Variants in PIR observed in about 807,000 individuals in gnomAD.
The protein encoded by PIR is pirin (iron-binding nuclear protein).
In PIR, 22 loss-of-function variants were observed where a neutral mutation model predicts 24.2. The observed-to-expected ratio is 0.91, with a 90% CI of 0.65 to 1.30. The LOEUF is 1.30. Among genes scored for constraint, PIR ranks in the 50% most tolerant of loss-of-function variants. PIR has a pLI of 0.00. For synonymous variants in PIR, 80 were observed against 79.6 expected, an observed-to-expected ratio of 1.00 and a Z score of -0.03; for missense variants, 220 against 220.3, an observed-to-expected ratio of 1.00 and a Z score of 0.01.
At chrX:15,476,661 GAAAA>G (rs776335281) in intron 3 of PIR, among the ~76,000 whole-genome samples, 1 of 104,149 alleles carries the variant, frequency 9.6e-6, no homozygotes, top group Non-Finnish European at 2.0e-5. Flanking sequence ...AACCCAGCAG[GAAAA>G]AAAAAATCCA....
At chrX:15,406,277 A>G (rs762626709) in intron 7 of PIR, among the ~76,000 whole-genome samples, 1 of 112,422 alleles carries the variant, frequency 8.9e-6, no homozygotes, top group South Asian at 3.7e-4. Flanking sequence ...CAGAAGTATA[A>G]CTGGAGATGC....
At chrX:15,489,369 G>A in intron 2 of PIR, among the ~76,000 whole-genome samples, 1 of 111,869 alleles carries the variant, frequency 8.9e-6, no homozygotes, top group African/African-American at 3.2e-5. Flanking sequence ...TTAAAACATT[G>A]CTTTCAGAAG....
intron 3 of PIR, among the ~76,000 whole-genome samples, chrX:15,461,553 G>A (rs915065277): frequency 8.9e-6 from 1 of 112,298 alleles, no homozygotes; most frequent in Non-Finnish European, 1.9e-5. Flanking sequence ...GGCCAAGGTG[G>A]GCGGATCGCC....
At chrX:15,444,644 A>G (rs1213094226) in intron 5 of PIR, among the ~76,000 whole-genome samples, 2 of 111,774 alleles carry the variant, frequency 1.8e-5, no homozygotes, top group Non-Finnish European at 3.8e-5. Context: ...AACCTACAAA[A>G]ACACTTAATG....
intron 3 of PIR, chrX:15,464,420 T>C: frequency 1.3e-6 from 1 of 753,694 alleles, no homozygotes; most frequent in Non-Finnish European, 1.6e-6. Context: ...AATCAGTGGA[T>C]GAAAGTAAGT....
At chrX:15,466,973 T>A (rs1381332754) in intron 3 of PIR, among the ~76,000 whole-genome samples, 2 of 112,484 alleles carry the variant, frequency 1.8e-5, no homozygotes, top group African/African-American at 3.2e-5. Flanking sequence ...TGTTATTCAT[T>A]TATTGTCTGT....
chrX:15,470,704 CG>C (rs1463686839), intron 3 of PIR, among the ~76,000 whole-genome samples: 5 of 106,787 alleles, frequency 4.7e-5, no homozygotes, highest in African/African-American at 1.7e-4. Flanking sequence ...TGAGTTCAAG[CG>C]AATCTCCTGC....
intron 8 of PIR, among the ~76,000 whole-genome samples, chrX:15,390,916 A>G (rs746200748): frequency 8.1e-5 from 9 of 111,708 alleles, no homozygotes; most frequent in East Asian, 2.8e-4. Context: ...GAGATTTTCA[A>G]CTGGTGCAGT....
intron 6 of PIR, among the ~76,000 whole-genome samples, chrX:15,422,993 T>G (rs979269985): frequency 3.6e-5 from 4 of 111,818 alleles, no homozygotes; most frequent in Non-Finnish European, 7.5e-5. Context: ...TGGAACTCAT[T>G]TTTGACAAAG....
chrX:15,395,775 C>T (rs1445878450), intron 8 of PIR, among the ~76,000 whole-genome samples: 1 of 112,264 alleles, frequency 8.9e-6, no homozygotes, highest in East Asian at 2.8e-4. Flanking sequence ...ACACATGCTG[C>T]CTTTAAATGC....
intron 3 of PIR, among the ~76,000 whole-genome samples, chrX:15,467,267 A>G (rs759568192): frequency 2.7e-5 from 3 of 112,611 alleles, no homozygotes; most frequent in Non-Finnish European, 3.8e-5. Context: ...AAAGATCTAA[A>G]ACAACATTAT....
intron 5 of PIR, among the ~76,000 whole-genome samples, chrX:15,452,506 T>A (rs1242081225): frequency 8.9e-6 from 1 of 111,834 alleles, no homozygotes. Flanking sequence ...GTTTTGTTGC[T>A]CATAAAAGCG....
chrX:15,416,867 T>C (rs773003558), intron 6 of PIR, among the ~76,000 whole-genome samples: 128 of 111,695 alleles, frequency 1.1e-3, no homozygotes, highest in Non-Finnish European at 1.9e-3. Context: ...ACCACATGAG[T>C]GTGAGCTTGG....
At chrX:15,440,235 G>C (rs1052804659) in intron 5 of PIR, among the ~76,000 whole-genome samples, 7 of 111,775 alleles carry the variant, frequency 6.3e-5, no homozygotes, top group Admixed American at 9.5e-5. Context: ...AAAATGAGTA[G>C]TATTGTGTGC....
chrX:15,433,703 GGAGA>G, intron 5 of PIR, among the ~76,000 whole-genome samples: 2 of 66,718 alleles, frequency 3.0e-5, no homozygotes, highest in African/African-American at 5.8e-5. Flanking sequence ...GGAGGAGGAA[GGAGA>G]AAGAAGGAGG....
intron 2 of PIR, among the ~76,000 whole-genome samples, chrX:15,489,983 G>A (rs752433792): frequency 7.7e-4 from 86 of 111,837 alleles, no homozygotes; most frequent in Non-Finnish European, 1.3e-3. Flanking sequence ...GGAGGAATGA[G>A]TTCAAGAGAT....
At chrX:15,489,556 A>G (rs1174577014) in intron 2 of PIR, among the ~76,000 whole-genome samples, 4 of 111,681 alleles carry the variant, frequency 3.6e-5, no homozygotes, top group African/African-American at 1.3e-4. Context: ...CAATTGTTCT[A>G]TTGGTGATGT....
At chrX:15,415,291 G>A (rs1223417913) in intron 6 of PIR, among the ~76,000 whole-genome samples, 1 of 111,802 alleles carries the variant, frequency 8.9e-6, no homozygotes, top group Non-Finnish European at 1.9e-5. Context: ...TCTTAGGATA[G>A]GGAAGGTTCT....
At chrX:15,452,535 C>T (rs1400701175) in intron 5 of PIR, among the ~76,000 whole-genome samples, 1 of 111,906 alleles carries the variant, frequency 8.9e-6, no homozygotes, top group Admixed American at 9.5e-5. Context: ...TTATTCAAAA[C>T]CCCCCTCACC....
Sources: gnomAD v4.1 joint callset for allele counts (sites outside exome capture counted in the v4.1 genomes callset) on GRCh38, gnomAD v4.1.1 for gene constraint, MANE v1.5 for transcripts, NCBI Gene and HGNC (gene_info 2026-07-23, HGNC 2026-07-21) for gene names.